GABPB1: variants seen among roughly 807,000 people sequenced by gnomAD.
GABPB1 encodes GA-binding protein subunit beta-1.
A neutral mutation model predicts 45.9 loss-of-function variants in GABPB1; 15 were observed. The observed-to-expected ratio is 0.33, with a 90% CI of 0.22 to 0.50. GABPB1 has a LOEUF of 0.50. GABPB1 is among the 20% of genes least tolerant of loss of function. GABPB1 has a pLI of 0.98. For synonymous variants in GABPB1, 143 were observed against 154.4 expected, an observed-to-expected ratio of 0.93 and a Z score of 0.55; for missense variants, 252 against 457.5, an observed-to-expected ratio of 0.55 and a Z score of 4.10.
intron 3 of GABPB1, among the ~76,000 whole-genome samples, chr15:50,303,476 G>A (rs1284214268): frequency 2.0e-5 from 3 of 152,164 alleles, no homozygotes; most frequent in Non-Finnish European, 2.9e-5. Context: ...AAGGTCAGGA[G>A]TTCGAGACCA....
chr15:50,286,171 G>GAAGAAT lies in GABPB1; in HGVS notation c.895_896insATTCTT (p.Pro299delinsHisSerSer). ...AGTTTCTTCAGCAATGTCTGTTGCT[G>GAAGAAT]GTACTGTTAATACTAAAATGAAAAA... On this transcript the variant is annotated protein_altering_variant, in exon 8 of 9. Transcript: ENST00000380877. 6.4e-7 allele frequency: 1 copy of GAAGAAT among 1,573,374 alleles called. No individual in the cohort carries two copies. Among genetic ancestry groups the GAAGAAT allele is most frequent in the Non-Finnish European group, 8.6e-7 (1 of 1,158,256 alleles).
intron 1 of GABPB1, among the ~76,000 whole-genome samples, chr15:50,325,449 CAA>C (rs57252015): frequency 7.1e-6 from 1 of 139,890 alleles, no homozygotes. Context: ...CAATCAATGA[CAA>C]AAAAAAAAAA....
At chr15:50,300,722 G>A (rs1272521274) in intron 6 of GABPB1, 67 bp downstream of exon 6, 2 of 965,336 alleles carry the variant, frequency 2.1e-6, no homozygotes, top group Admixed American at 3.4e-5. Context: ...TAGGATTACA[G>A]GTGTGAGCCA....
intron 1 of GABPB1, chr15:50,352,933 A>T (rs557433384): frequency 6.6e-6 from 1 of 152,322 alleles, no homozygotes; most frequent in East Asian, 1.9e-4. Context: ...ACCCAGAATG[A>T]TTCAGAGAGA....
chr15:50,306,756 C>T (rs563226183), intron 2 of GABPB1, among the ~76,000 whole-genome samples: 95 of 152,052 alleles, frequency 6.2e-4, no homozygotes, highest in African/African-American at 2.2e-3. Flanking sequence ...TCACTTATCC[C>T]TAAAAAATAT....
intron 2 of GABPB1, among the ~76,000 whole-genome samples, chr15:50,304,967 G>T (rs993253532): frequency 3.9e-5 from 6 of 152,076 alleles, no homozygotes; most frequent in African/African-American, 1.2e-4. Context: ...AATCTTAGGT[G>T]CATTTGCCAA....
chr15:50,286,053 TAA>T lies in GABPB1; in HGVS notation c.999+13_999+14del. On this transcript the variant is annotated intron_variant, in intron 8 of 8. Transcript: ENST00000380877. Reference sequence around the variant, plus strand: ...GATGACTGCGGCAAAGCACACCGGGTAAAAGACTCCTTACTTCTATTTCTGCA... The same window carrying T: ...GATGACTGCGGCAAAGCACACCGGGTAAGACTCCTTACTTCTATTTCTGCA... 2 of 1,611,388 alleles carry T rather than the reference TAA, an allele frequency of 1.2e-6. No homozygotes were observed. Among genetic ancestry groups the T allele is most frequent in the African/African-American group, 2.7e-5 (2 of 74,900 alleles).
intron 1 of GABPB1, among the ~76,000 whole-genome samples, chr15:50,341,719 C>A (rs1362914713): frequency 6.6e-6 from 1 of 151,992 alleles, no homozygotes; most frequent in Admixed American, 6.6e-5. Flanking sequence ...TTATTTTGTA[C>A]AACATAGCCC....
intron 8 of GABPB1, among the ~76,000 whole-genome samples, chr15:50,281,237 A>C (rs2045960435): frequency 6.6e-6 from 1 of 152,118 alleles, no homozygotes; most frequent in Non-Finnish European, 1.5e-5. Flanking sequence ...TTTGAGACGG[A>C]GTCTTGCTCT....
intron 4 of GABPB1, among the ~76,000 whole-genome samples, chr15:50,301,777 AAAAC>A (rs2046758474): frequency 6.6e-6 from 1 of 152,184 alleles, no homozygotes; most frequent in Non-Finnish European, 1.5e-5. Context: ...AACAAAAACA[AAAAC>A]AAAACAAACA....
chr15:50,339,099 C>G (rs1318827536), intron 1 of GABPB1, among the ~76,000 whole-genome samples: 1 of 152,122 alleles, frequency 6.6e-6, no homozygotes, highest in Admixed American at 6.5e-5. Flanking sequence ...GTGACCCTGA[C>G]CTCAGGGTCA....
In GABPB1 at chr15:50,330,128, T is replaced by G. The variant is rs557748204; in HGVS notation, c.1-20330A>C. Among the ~76,000 whole-genome samples the G allele has an allele frequency of 3.3e-5, 5 of 152,148 alleles. No individual in the cohort carries two copies. The South Asian group carries it at 8.3e-4, about 25-fold the overall frequency. ...CATGTTGCCCAGGCTGGTCTCAAAC[T>G]CCGGGGCTCAAGCAATCCTCCCACC... On this transcript the variant is annotated intron_variant, in intron 1 of 8. Coordinates refer to ENST00000380877, the MANE Select transcript of GABPB1 (RefSeq NM_016654.5).
chr15:50,323,950 C>G (rs766316734), intron 1 of GABPB1, among the ~76,000 whole-genome samples: 2 of 151,940 alleles, frequency 1.3e-5, no homozygotes, highest in African/African-American at 4.8e-5. Flanking sequence ...GCCTGTAATC[C>G]TAGCACTTTG....
intron 1 of GABPB1, chr15:50,352,060 T>C (rs1004298911): frequency 6.6e-6 from 1 of 152,120 alleles, no homozygotes; most frequent in Non-Finnish European, 1.5e-5. Flanking sequence ...TCAGAAGAGA[T>C]GGAGGCCATC....
chr15:50,322,564 T>C lies in GABPB1; in HGVS notation c.1-12766A>G, dbSNP rs956345163. Among the ~76,000 whole-genome samples the C allele has an allele frequency of 2.0e-5, 3 of 152,100 alleles. No homozygotes were observed. The East Asian group carries it at 5.8e-4, about 29-fold the overall frequency. On this transcript the variant is annotated intron_variant, in intron 1 of 8. Coordinates refer to ENST00000380877, the MANE Select transcript of GABPB1 (RefSeq NM_016654.5). ...CCATCTCAAAAAAAAAGAACTGATGTGTCCAGTACAGTAACCACTAGTTAT... is the reference window on the plus strand; with the variant it reads ...CCATCTCAAAAAAAAAGAACTGATGCGTCCAGTACAGTAACCACTAGTTAT...
At position 50,276,211 on chromosome 15, in the gene GABPB1, GA is replaced by G. The variant is rs1567463443; in HGVS notation, c.*2420del. The G allele has an allele frequency of 6.6e-6, 1 of 152,178 alleles. No homozygotes were observed. Among genetic ancestry groups the G allele is most frequent in the Non-Finnish European group, 1.5e-5 (1 of 68,008 alleles). The allele number at this position is 152,178 out of a possible 1,614,324, so 9.4% of individuals were successfully genotyped here. On this transcript the variant is annotated 3_prime_UTR_variant, in exon 9 of 9. Coordinates refer to ENST00000380877, the MANE Select transcript of GABPB1 (RefSeq NM_016654.5). Reference sequence around the variant, plus strand: ...AGTGGAAACAATTATGTGGATTTCTGAAAACTTTTATTTCATATACTTTTAT... The same window carrying G: ...AGTGGAAACAATTATGTGGATTTCTGAAACTTTTATTTCATATACTTTTAT...
intron 1 of GABPB1, among the ~76,000 whole-genome samples, chr15:50,346,832 G>A (rs1243607377): frequency 1.4e-5 from 2 of 140,950 alleles, no homozygotes; most frequent in Admixed American, 7.6e-5. Context: ...CTGTCGCCCA[G>A]GCTGGAGTGC....
chr15:50,290,655 T>C (rs2046315359), intron 6 of GABPB1, among the ~76,000 whole-genome samples: 1 of 152,182 alleles, frequency 6.6e-6, no homozygotes, highest in African/African-American at 2.4e-5. Flanking sequence ...CATTTACATT[T>C]ATGTGTGAGT....
At chr15:50,317,281 T>C (rs1275584776) in intron 1 of GABPB1, among the ~76,000 whole-genome samples, 1 of 151,782 alleles carries the variant, frequency 6.6e-6, no homozygotes, top group African/African-American at 2.4e-5. Context: ...GGCTGACGCC[T>C]GTAATCCCAG....
Sources: allele counts gnomAD v4.1 joint callset (sites outside exome capture counted in the v4.1 genomes callset), GRCh38; gene constraint gnomAD v4.1.1; transcripts MANE v1.5; gene names NCBI Gene and HGNC (gene_info 2026-07-23, HGNC 2026-07-21).